Variants in ANKRD36 observed in about 807,000 individuals in gnomAD.
The protein encoded by ANKRD36 is ankyrin repeat domain 36.
Under a neutral mutation model 278.1 loss-of-function variants are expected in ANKRD36, and 179 were observed. That is an observed-to-expected ratio of 0.64 (90% CI 0.57 to 0.73). The LOEUF (loss-of-function observed/expected upper bound fraction) is 0.73. Ranked by LOEUF, ANKRD36 falls within the 30% of genes least tolerant of loss-of-function variation. The probability of loss-of-function intolerance (pLI) is 0.00; values close to 1 mark genes in which losing one functional copy is unlikely to be tolerated. For synonymous variants in ANKRD36, 320 were observed against 641.1 expected, an observed-to-expected ratio of 0.50 and a Z score of 7.57; for missense variants, 1,159 against 1,956.7, an observed-to-expected ratio of 0.59 and a Z score of 7.69.
intron 38 of ANKRD36, among the ~76,000 whole-genome samples, chr2:97,194,196 G>A (rs1348627282): frequency 6.6e-6 from 1 of 151,634 alleles, no homozygotes; most frequent in Non-Finnish European, 1.5e-5. Context: ...AGATATCCAA[G>A]GTGATCAATT....
chr2:97,158,714 C>T (rs1277688288), intron 17 of ANKRD36, 59 bp downstream of exon 17: 1 of 1,420,106 alleles, frequency 7.0e-7, no homozygotes, highest in East Asian at 2.5e-5. Context: ...TCCTGTTCAC[C>T]AACTCACTCT....
chr2:97,168,113 A>G (rs566563883), intron 22 of ANKRD36, among the ~76,000 whole-genome samples: 24 of 152,204 alleles, frequency 1.6e-4, no homozygotes, highest in Non-Finnish European at 3.2e-4. Context: ...TCCTTTACCT[A>G]GAGAAAAGCT....
intron 66 of ANKRD36, among the ~76,000 whole-genome samples, chr2:97,219,702 AGCTCTCG>A (rs1489764506): frequency 7.3e-6 from 1 of 137,506 alleles, no homozygotes; most frequent in African/African-American, 2.9e-5. Flanking sequence ...GCTGGTCTTG[AGCTCTCG>A]ACCTCAGGTG....
At chr2:97,220,359 C>T (rs1425175643) in intron 66 of ANKRD36, among the ~76,000 whole-genome samples, 2 of 149,740 alleles carry the variant, frequency 1.3e-5, no homozygotes, top group African/African-American at 2.5e-5. Flanking sequence ...ATAGTTTGTA[C>T]TTATTAAGCA....
At chr2:97,117,315 T>C (rs1480960131) in intron 1 of ANKRD36, among the ~76,000 whole-genome samples, 1 of 152,040 alleles carries the variant, frequency 6.6e-6, no homozygotes, top group African/African-American at 2.4e-5. Flanking sequence ...TTTTGCCTTC[T>C]TTTTCCACAG....
chr2:97,202,857 G>C (rs1369620940), intron 48 of ANKRD36, among the ~76,000 whole-genome samples: 3 of 151,808 alleles, frequency 2.0e-5, no homozygotes, highest in Admixed American at 2.0e-4. Flanking sequence ...CGGATTGTGA[G>C]GCAGGAAGGG....
chr2:97,130,781 A>G (rs1369708965), intron 6 of ANKRD36, among the ~76,000 whole-genome samples: 1 of 151,968 alleles, frequency 6.6e-6, no homozygotes, highest in East Asian at 1.9e-4. Flanking sequence ...TTCTTTTTTA[A>G]TTTCACCCCT....
intron 60 of ANKRD36, among the ~76,000 whole-genome samples, chr2:97,213,876 G>A (rs1258858685): frequency 2.0e-5 from 3 of 151,748 alleles, no homozygotes; most frequent in Non-Finnish European, 4.4e-5. Context: ...GGGGCTCAGG[G>A]GAACAGCATA....
rs2037977690 is a variant in ANKRD36, at chr2:97,124,505, C to T, written c.639C>T (p.Val213=). 7 of 1,552,176 alleles carry T rather than the reference C, an allele frequency of 4.5e-6. No homozygotes were observed. Among genetic ancestry groups the T allele is most frequent in the Middle Eastern group, 1.7e-4 (1 of 5,992 alleles). The stretch of plus-strand genomic sequence containing the variant: ...TTACTCTTGGAGAAAAAGATATAGT[C>T]ATTCTTCTTCTGCAGCACAATATTG... ...HAVTLGEKDI[V]ILLLQHNIDV... is the part of the protein sequence containing the mutation. The change falls in exon 5 of 76, where the codon GTC becomes GTT. Residue 213 remains valine (V), a synonymous_variant. Coordinates refer to ENST00000420699, the MANE Select transcript of ANKRD36 (RefSeq NM_001354587.1).
chr2:97,201,544 A>G (rs1176959953), intron 46 of ANKRD36, among the ~76,000 whole-genome samples: 8 of 151,918 alleles, frequency 5.3e-5, no homozygotes, highest in Non-Finnish European at 1.2e-4. Flanking sequence ...CTTTGGTGCC[A>G]TGAGTGGATG....
chr2:97,150,896 C>T (rs2045784891), intron 12 of ANKRD36, among the ~76,000 whole-genome samples: 2 of 132,876 alleles, frequency 1.5e-5, no homozygotes, highest in Admixed American at 7.6e-5. Context: ...CTTTCCCCCT[C>T]TCTCTCTCTG....
intron 10 of ANKRD36, among the ~76,000 whole-genome samples, chr2:97,146,047 C>T (rs2153456088): frequency 6.6e-6 from 1 of 152,214 alleles, no homozygotes; most frequent in South Asian, 2.1e-4. Flanking sequence ...TGGCTCACTT[C>T]AACTTTAACC....
chr2:97,132,736 A>G (rs568717133), intron 6 of ANKRD36, among the ~76,000 whole-genome samples: 120 of 152,200 alleles, frequency 7.9e-4, no homozygotes, highest in Non-Finnish European at 4.7e-4. Context: ...GTGAAAGAAT[A>G]CATAGTAAAA....
intron 4 of ANKRD36, among the ~76,000 whole-genome samples, chr2:97,123,797 A>G (rs1236591722): frequency 1.4e-5 from 2 of 146,568 alleles, no homozygotes; most frequent in Non-Finnish European, 3.0e-5. Context: ...TATATACTTT[A>G]TAGATAATAT....
intron 66 of ANKRD36, among the ~76,000 whole-genome samples, chr2:97,220,775 A>ATTTTTTTTTTTTTTTTTTTAAAT (rs58512786): frequency 1.6e-5 from 1 of 62,722 alleles, no homozygotes; most frequent in African/African-American, 6.9e-5. Context: ...TTTTTTTTTA[A>ATTTTTTTTTTTTTTTTTTTAAAT]TTTTTTTTTT....
At chr2:97,217,482 C>T (rs1237335620) in intron 64 of ANKRD36, 110 bp downstream of exon 64, 1 of 1,477,070 alleles carries the variant, frequency 6.8e-7, no homozygotes, top group Non-Finnish European at 9.1e-7. Flanking sequence ...TCTGATTCAG[C>T]AGGCCTGAGA....
intron 22 of ANKRD36, among the ~76,000 whole-genome samples, chr2:97,171,770 T>C (rs2052625266): frequency 7.0e-6 from 1 of 142,804 alleles, no homozygotes; most frequent in Non-Finnish European, 1.6e-5. Context: ...TCAAGATAAA[T>C]TAAAGACTTA....
chr2:97,187,111 A>T (rs2057560067), intron 30 of ANKRD36, 87 bp from the exon 31 acceptor site: 1 of 1,579,842 alleles, frequency 6.3e-7, no homozygotes, highest in Admixed American at 1.8e-5. Flanking sequence ...AGGCAGGCGG[A>T]TACAGCTTGA....
At chr2:97,210,180 G>T (rs1490111184) in intron 56 of ANKRD36, among the ~76,000 whole-genome samples, 9 of 151,792 alleles carry the variant, frequency 5.9e-5, no homozygotes, top group African/African-American at 1.9e-4. Flanking sequence ...TTCAGTAAGG[G>T]TGGAAGGATA....
Sources: allele counts gnomAD v4.1 joint callset (sites outside exome capture counted in the v4.1 genomes callset), GRCh38; gene constraint gnomAD v4.1.1; transcripts MANE v1.5; gene names NCBI Gene and HGNC (gene_info 2026-07-23, HGNC 2026-07-21).